The following MACROD2 variants were observed in gnomAD, a reference collection of about 807,000 sequenced individuals.
MACROD2 encodes ADP-ribose glycohydrolase MACROD2.
MACROD2 carries 36 observed loss-of-function variants against 70.4 expected under a neutral mutation model. The ratio of observed to expected loss-of-function variants is 0.51; its 90% confidence interval spans 0.39 to 0.68. The LOEUF (loss-of-function observed/expected upper bound fraction) is 0.68, where lower values mean the gene tolerates loss of function less well. Among genes scored for constraint, MACROD2 ranks in the 30% least tolerant of loss-of-function variants. MACROD2 has a pLI of 0.00. For missense variants in MACROD2, 496 were observed against 538.4 expected (o/e 0.92, Z 0.78); for synonymous variants, 172 against 178.8 (o/e 0.96, Z 0.30).
intron 3 of MACROD2, among the ~76,000 whole-genome samples, chr20:14,166,002 G>A (rs1184368076): frequency 2.0e-5 from 3 of 152,266 alleles, no homozygotes; most frequent in African/African-American, 7.2e-5. Context: ...TCTTGCATAT[G>A]TTTTAATAGA....
At chr20:15,570,825 G>A (rs2048367584) in intron 8 of MACROD2, among the ~76,000 whole-genome samples, 1 of 152,060 alleles carries the variant, frequency 6.6e-6, no homozygotes, top group Non-Finnish European at 1.5e-5. Flanking sequence ...CTTGTGATGT[G>A]GTGATTGGTT....
At chr20:15,215,987 TA>T (rs1398844817) in intron 5 of MACROD2, among the ~76,000 whole-genome samples, 1 of 152,086 alleles carries the variant, frequency 6.6e-6, no homozygotes, top group Non-Finnish European at 1.5e-5. Context: ...TTAAGAGTTC[TA>T]GAAAGAATGG....
At chr20:15,457,721 A>ATTATGTTATTATGT (rs1188621947) in intron 7 of MACROD2, among the ~76,000 whole-genome samples, 4 of 152,052 alleles carry the variant, frequency 2.6e-5, no homozygotes, top group Non-Finnish European at 5.9e-5. Context: ...TGAGTTATTT[A>ATTATGTTATTATGT]CCCATTTGAG....
intron 8 of MACROD2, among the ~76,000 whole-genome samples, chr20:15,583,801 G>A (rs1195095614): frequency 7.2e-5 from 11 of 152,056 alleles, no homozygotes; most frequent in African/African-American, 1.4e-4. Flanking sequence ...GTGCCACCAC[G>A]CCCGGCTTTT....
rs6034265 is a variant in MACROD2, at chr20:15,701,429, C to T, written c.646-161316C>T. On this transcript the variant is annotated intron_variant, in intron 8 of 17. Transcript: ENST00000684519. ...TTGAGGTATTCTACTTTCAATTATT[C>T]GTAACCTTATTATTATATATTTACT... Among the ~76,000 whole-genome samples, 1,171 of 152,096 alleles carry T rather than the reference C, an allele frequency of 7.7e-3. 20 individuals carry two copies. The highest frequency in any genetic ancestry group is 0.026 in the African/African-American group (1,077 of 41,506).
At chr20:14,844,409 C>T (rs1171729942) in intron 5 of MACROD2, among the ~76,000 whole-genome samples, 2 of 151,712 alleles carry the variant, frequency 1.3e-5, no homozygotes, top group South Asian at 2.1e-4. Context: ...CCCAGCTACT[C>T]GGGAGGCTGA....
In MACROD2 at chr20:15,614,649, G is replaced by T. The variant is rs553371471; in HGVS notation, c.645+114802G>T. Among the ~76,000 whole-genome samples, 1,263 of 152,210 alleles carry T rather than the reference G, an allele frequency of 8.3e-3. 15 individuals carry two copies. Among genetic ancestry groups the T allele is most frequent in the Non-Finnish European group, 8.7e-3 (590 of 68,012 alleles). On this transcript the variant is annotated intron_variant, in intron 8 of 17. Coordinates refer to ENST00000684519, the MANE Select transcript of MACROD2 (RefSeq NM_001351661.2). The stretch of plus-strand genomic sequence containing the variant: ...CCACATGCCCTGTTACAATAAAAAA[G>T]TATTGTATACAAAAAGGATTGTCAT...
chr20:15,301,591 CTTTTTTT>C (rs71340214), intron 6 of MACROD2, among the ~76,000 whole-genome samples: 5 of 81,250 alleles, frequency 6.2e-5, no homozygotes, highest in Admixed American at 1.5e-4. Context: ...GGTAGGTGGC[CTTTTTTT>C]TTTTTTTTTT....
chr20:14,113,878 G>A (rs181563079), intron 3 of MACROD2, among the ~76,000 whole-genome samples: 2 of 152,162 alleles, frequency 1.3e-5, no homozygotes, highest in African/African-American at 2.4e-5. Context: ...TTGATGGTAT[G>A]CCCATGGAGG....
intron 5 of MACROD2, among the ~76,000 whole-genome samples, chr20:14,841,471 C>A (rs924153931): frequency 2.0e-5 from 3 of 151,932 alleles, no homozygotes; most frequent in African/African-American, 7.3e-5. Context: ...CTTTCAAAAC[C>A]TTAGCTTACA....
chr20:14,907,614 A>C (rs1412542471), intron 5 of MACROD2, among the ~76,000 whole-genome samples: 3 of 152,302 alleles, frequency 2.0e-5, no homozygotes, highest in Admixed American at 6.5e-5. Context: ...TCAAAAATGG[A>C]GAAAGTATGG....
At chr20:15,957,412 A>G (rs1052021724) in intron 12 of MACROD2, among the ~76,000 whole-genome samples, 4 of 152,166 alleles carry the variant, frequency 2.6e-5, no homozygotes, top group African/African-American at 9.7e-5. Context: ...TTTCTCCTAA[A>G]TAACAAATAG....
intron 5 of MACROD2, among the ~76,000 whole-genome samples, chr20:14,724,204 T>A (rs1434785062): frequency 1.3e-5 from 2 of 152,068 alleles, no homozygotes; most frequent in African/African-American, 4.8e-5. Flanking sequence ...CACTCATATG[T>A]AGAGGAAGTT....
At chr20:15,574,227 C>G (rs537459283) in intron 8 of MACROD2, among the ~76,000 whole-genome samples, 1 of 151,808 alleles carries the variant, frequency 6.6e-6, no homozygotes, top group East Asian at 1.9e-4. Context: ...TTTTTTTTAC[C>G]CCAGGAAGCC....
At position 15,457,386 on chromosome 20, in the gene MACROD2, G is replaced by A. The variant is rs551210402; in HGVS notation, c.571+25951G>A. On this transcript the variant is annotated intron_variant, in intron 7 of 17. Transcript: ENST00000684519. ...ACCATCATCTCCTTGTTCTTTCTGA[G>A]AGTTAGATGCATAATCAGGCATAAT... is the stretch of plus-strand genomic sequence containing the variant. Among the ~76,000 whole-genome samples, 3 of 152,124 alleles carry A rather than the reference G, an allele frequency of 2.0e-5. No individual in the cohort carries two copies. In the South Asian group the frequency reaches 6.2e-4, roughly 32 times the overall value.
intron 3 of MACROD2, among the ~76,000 whole-genome samples, chr20:14,110,335 A>G (rs994577319): frequency 1.5e-4 from 23 of 151,926 alleles, no homozygotes; most frequent in African/African-American, 5.1e-4. Context: ...AAAAATGCCT[A>G]CTTTCAACCA....
At chr20:15,538,535 A>G (rs1200796325) in intron 8 of MACROD2, among the ~76,000 whole-genome samples, 1 of 152,236 alleles carries the variant, frequency 6.6e-6, no homozygotes, top group East Asian at 1.9e-4. Context: ...TTTCCAGATG[A>G]ATCAACTGGT....
intron 5 of MACROD2, among the ~76,000 whole-genome samples, chr20:14,967,537 T>G (rs1176161784): frequency 6.6e-6 from 1 of 152,172 alleles, no homozygotes; most frequent in Admixed American, 6.5e-5. Flanking sequence ...AGATATAGAC[T>G]GTGAATATTA....
At chr20:14,261,699 A>G (rs780466399) in intron 3 of MACROD2, among the ~76,000 whole-genome samples, 52 of 150,172 alleles carry the variant, frequency 3.5e-4, no homozygotes, top group Non-Finnish European at 5.5e-4. Flanking sequence ...CTGTTCATTT[A>G]TTTAATTTAT....
Sources: gnomAD v4.1 joint callset for allele counts (sites outside exome capture counted in the v4.1 genomes callset) on GRCh38, gnomAD v4.1.1 for gene constraint, MANE v1.5 for transcripts, NCBI Gene and HGNC (gene_info 2026-07-23, HGNC 2026-07-21) for gene names.